The following SPIDR variants were observed in gnomAD, a reference collection of about 807,000 sequenced individuals.
The protein encoded by SPIDR is scaffold protein involved in DNA repair, also known as DNA repair-scaffolding protein.
In SPIDR, 93 loss-of-function variants were observed where a neutral mutation model predicts 104.6. The ratio of observed to expected loss-of-function variants is 0.89; its 90% CI spans 0.75 to 1.06. The LOEUF (loss-of-function observed/expected upper bound fraction) is 1.06, where lower values mean the gene tolerates loss of function less well. Among genes scored for constraint, SPIDR ranks in the 50% least tolerant of loss-of-function variants. SPIDR has a pLI of 0.00. For synonymous variants in SPIDR, 431 were observed against 416.9 expected (o/e 1.03, Z -0.41); for missense variants, 1,154 against 1,111.2 (o/e 1.04, Z -0.55).
chr8:47,420,631 T>C (rs1554679525), intron 7 of SPIDR, among the ~76,000 whole-genome samples: 1 of 152,220 alleles, frequency 6.6e-6, no homozygotes, highest in East Asian at 1.9e-4. Context: ...GTTAATATTG[T>C]TAGGTGTGAA....
chr8:47,700,308 G>A, intron 11 of SPIDR, 95 bp from the exon 12 acceptor site: 1 of 1,236,734 alleles, frequency 8.1e-7, no homozygotes, highest in Non-Finnish European at 1.2e-6. Flanking sequence ...CATGGCCTTA[G>A]GCATTAGAGT....
intron 8 of SPIDR, among the ~76,000 whole-genome samples, chr8:47,516,098 T>C (rs1022680183): frequency 1.3e-5 from 2 of 152,198 alleles, no homozygotes; most frequent in African/African-American, 2.4e-5. Context: ...CGTGAGCCAC[T>C]GCGCCCGGCC....
intron 16 of SPIDR, among the ~76,000 whole-genome samples, chr8:47,719,644 A>T (rs569070264): frequency 6.6e-5 from 10 of 152,278 alleles, no homozygotes; most frequent in African/African-American, 1.9e-4. Flanking sequence ...ACAAGGGGTG[A>T]GTGCCCTAGG....
intron 8 of SPIDR, among the ~76,000 whole-genome samples, chr8:47,522,740 CTT>C (rs2084363888): frequency 6.6e-6 from 1 of 152,106 alleles, no homozygotes; most frequent in African/African-American, 2.4e-5. Flanking sequence ...TTAAAGCTAT[CTT>C]ATTAGTTTTT....
intron 10 of SPIDR, among the ~76,000 whole-genome samples, chr8:47,633,523 T>C (rs1220077490): frequency 6.7e-6 from 1 of 150,102 alleles, no homozygotes; most frequent in Non-Finnish European, 1.5e-5. Context: ...AAGATTTAGG[T>C]TTTTTCTTTT....
At chr8:47,392,389 G>C (rs2060705448) in intron 5 of SPIDR, among the ~76,000 whole-genome samples, 1 of 152,166 alleles carries the variant, frequency 6.6e-6, no homozygotes, top group African/African-American at 2.4e-5. Context: ...TGTTTGCTTT[G>C]TATTTTTAGT....
At chr8:47,628,123 A>G (rs1374586788) in intron 10 of SPIDR, among the ~76,000 whole-genome samples, 1 of 152,206 alleles carries the variant, frequency 6.6e-6, no homozygotes, top group African/African-American at 2.4e-5. Flanking sequence ...GAGAGACTCA[A>G]AAATATAGAT....
At chr8:47,542,911 C>G (rs2088516439) in intron 8 of SPIDR, among the ~76,000 whole-genome samples, 2 of 152,198 alleles carry the variant, frequency 1.3e-5, no homozygotes, top group African/African-American at 2.4e-5. Context: ...TTTTGCATTT[C>G]AATAATGCTA....
intron 5 of SPIDR, among the ~76,000 whole-genome samples, chr8:47,346,013 G>T (rs960804986): frequency 6.6e-6 from 1 of 152,158 alleles, no homozygotes; most frequent in East Asian, 1.9e-4. Context: ...GAATACATGT[G>T]GTGAGAGAGG....
chr8:47,640,044 G>A (rs142690121), intron 10 of SPIDR, among the ~76,000 whole-genome samples: 46 of 152,218 alleles, frequency 3.0e-4, no homozygotes, highest in African/African-American at 1.0e-3. Context: ...GTCAGCTCAC[G>A]TGCATCCCCA....
intron 10 of SPIDR, among the ~76,000 whole-genome samples, chr8:47,667,440 GA>G (rs528607871): frequency 0.024 from 1,273 of 52,648 alleles, 12 homozygotes; most frequent in East Asian, 0.064. Flanking sequence ...CTTCAAAAGG[GA>G]AAAAAAAAAA....
At chr8:47,285,069 C>G (rs938246122) in intron 3 of SPIDR, among the ~76,000 whole-genome samples, 1 of 152,190 alleles carries the variant, frequency 6.6e-6, no homozygotes, top group African/African-American at 2.4e-5. Flanking sequence ...TGGGCATAAT[C>G]ATTGGGTTAT....
At chr8:47,438,235 A>AGCT (rs1231929921) in intron 7 of SPIDR, among the ~76,000 whole-genome samples, 1 of 152,206 alleles carries the variant, frequency 6.6e-6, no homozygotes, top group Admixed American at 6.5e-5. Context: ...GAGCCCTGAC[A>AGCT]GCTGCTGCTG....
Position 47,318,075 on chromosome 8 carries a change from C to T in SPIDR, c.525+24045C>T, listed in dbSNP as rs1338497878. Among the ~76,000 whole-genome samples, 4 of 152,228 alleles carry T rather than the reference C, an allele frequency of 2.6e-5. No homozygotes were observed. In the East Asian group the frequency reaches 5.8e-4, roughly 22 times the overall value. On this transcript the variant is annotated intron_variant, in intron 5 of 19. Transcript: ENST00000297423. ...AAGGAACACAGCTCCTCACCAGCAA[C>T]GGAACAAAGCTGGACGGAGAGTGAC...
Position 47,279,868 on chromosome 8 carries a change from A to AT in SPIDR, c.40_41insT (p.Arg14MetfsTer34). ...TTAAAAATCATCTCCACAGAGAAAA[A>AT]GGAGTTGGAATACAGAATGCCCATC... On this transcript the variant is annotated frameshift_variant, in exon 2 of 20. Coordinates refer to ENST00000297423, the MANE Select transcript of SPIDR (RefSeq NM_001080394.4). LOFTEE classifies it high-confidence loss of function. 1 of 1,604,958 alleles carries AT rather than the reference A, an allele frequency of 6.2e-7. No homozygotes were observed. The highest frequency in any genetic ancestry group is 8.5e-7 in the Non-Finnish European group (1 of 1,175,324).
chr8:47,455,200 G>A (rs188607235), intron 8 of SPIDR, among the ~76,000 whole-genome samples: 7 of 152,172 alleles, frequency 4.6e-5, no homozygotes, highest in Admixed American at 1.3e-4. Context: ...TGCATATAAC[G>A]TATAAAGATA....
At chr8:47,395,727 C>CA (rs1204813450) in intron 5 of SPIDR, among the ~76,000 whole-genome samples, 71 of 151,666 alleles carry the variant, frequency 4.7e-4, no homozygotes, top group African/African-American at 1.7e-3. Context: ...ATACAGTTTT[C>CA]AAAAAATTAT....
At chr8:47,452,673 A>G (rs1424471946) in intron 8 of SPIDR, among the ~76,000 whole-genome samples, 2 of 152,250 alleles carry the variant, frequency 1.3e-5, no homozygotes, top group African/African-American at 4.8e-5. Context: ...CCTTCATGCT[A>G]AAAACTCTCA....
chr8:47,456,271 G>A (rs1486248118), intron 8 of SPIDR, among the ~76,000 whole-genome samples: 2 of 152,128 alleles, frequency 1.3e-5, no homozygotes, highest in Non-Finnish European at 2.9e-5. Flanking sequence ...TATGCACCTA[G>A]AGAAAGTGCC....
Sources: allele counts gnomAD v4.1 joint callset (sites outside exome capture counted in the v4.1 genomes callset), GRCh38; gene constraint gnomAD v4.1.1; transcripts MANE v1.5; gene names NCBI Gene and HGNC (gene_info 2026-07-23, HGNC 2026-07-21).